CHEK1: variants seen among roughly 807,000 people sequenced by gnomAD.
The protein encoded by CHEK1 is checkpoint kinase 1, also known as serine/threonine-protein kinase Chk1.
A neutral mutation model predicts 60.2 loss-of-function variants in CHEK1; 32 were observed. The observed-to-expected ratio is 0.53, with a 90% CI of 0.40 to 0.71. The LOEUF is 0.71. CHEK1 is among the 30% of genes least tolerant of loss of function. The pLI is 0.00. For missense variants in CHEK1, 399 were observed against 564.6 expected (o/e 0.71, Z 2.97); for synonymous variants, 179 against 187.2 (o/e 0.96, Z 0.36).
chr11:125,671,100 TC>T (rs1262035879), intron 13 of CHEK1, among the ~76,000 whole-genome samples: 3 of 152,052 alleles, frequency 2.0e-5, no homozygotes, highest in African/African-American at 7.2e-5. Context: ...AGAGACGGGG[TC>T]TTGCTGTGTT....
At chr11:125,643,043 T>C (rs1270866770) in intron 8 of CHEK1, 1 of 152,192 alleles carries the variant, frequency 6.6e-6, no homozygotes, top group African/African-American at 2.4e-5. Flanking sequence ...TTCCAAGGAA[T>C]CAAAGAATGT....
chr11:125,628,899 A>C (rs1365766871), intron 3 of CHEK1, among the ~76,000 whole-genome samples: 1 of 152,234 alleles, frequency 6.6e-6, no homozygotes, highest in Non-Finnish European at 1.5e-5. Context: ...AATAATTAGC[A>C]TAGCATTTAG....
chr11:125,649,731 C>CA (rs35885200), intron 11 of CHEK1: 4,384 of 129,352 alleles, frequency 0.034, 76 homozygotes, highest in Middle Eastern at 0.066. Flanking sequence ...AAGACTGTCT[C>CA]AAAAAAAAAA....
chr11:125,629,820 A>G (rs1233830505), intron 5 of CHEK1, among the ~76,000 whole-genome samples: 2 of 151,964 alleles, frequency 1.3e-5, no homozygotes, highest in African/African-American at 4.8e-5. Flanking sequence ...TCCTAGGCTC[A>G]AGCAATCCTA....
intron 13 of CHEK1, among the ~76,000 whole-genome samples, chr11:125,673,807 G>C (rs1466069679): frequency 6.6e-6 from 1 of 152,064 alleles, no homozygotes; most frequent in African/African-American, 2.4e-5. Flanking sequence ...CCAATTTGTT[G>C]TGAAGGTCTG....
intron 13 of CHEK1, among the ~76,000 whole-genome samples, chr11:125,674,054 G>A (rs899224268): frequency 2.6e-5 from 4 of 152,112 alleles, no homozygotes; most frequent in Non-Finnish European, 4.4e-5. Context: ...AGGAGGGTGA[G>A]GCAGGAGAAT....
At chr11:125,654,102 G>A (rs796157610) in intron 12 of CHEK1, among the ~76,000 whole-genome samples, 19 of 151,454 alleles carry the variant, frequency 1.3e-4, no homozygotes, top group African/African-American at 3.6e-4. Context: ...AGTCCGAGAC[G>A]GGTGGATCTC....
intron 11 of CHEK1, among the ~76,000 whole-genome samples, chr11:125,651,119 C>A (rs1194159544): frequency 6.6e-6 from 1 of 152,066 alleles, no homozygotes; most frequent in African/African-American, 2.4e-5. Context: ...CACTCCCTAA[C>A]CTCTTCTTCC....
Position 125,625,846 on chromosome 11 carries a change from C to T in CHEK1, c.-187C>T, listed in dbSNP as rs1310128627. 1.4e-6 allele frequency: 1 copy of T among 702,642 alleles called. No individual in the cohort carries two copies. Among genetic ancestry groups the T allele is most frequent in the Non-Finnish European group, 2.6e-6 (1 of 385,004 alleles). The allele number at this position is 702,642 out of a possible 1,614,324, so 43.5% of individuals were successfully genotyped here. On this transcript the variant is annotated 5_prime_UTR_variant, in exon 1 of 13. The change creates a new upstream start codon in the 5' untranslated region. Coordinates refer to ENST00000438015, the MANE Select transcript of CHEK1 (RefSeq NM_001114122.3). ...CTGGGCGGGAGCGGCAACATCTCCA[C>T]GTCACCCTTTTGGAGCCGCCGACAT...
At chr11:125,680,143 G>GT (rs756825278), downstream of CHEK1, among the ~76,000 whole-genome samples, 51 of 152,256 alleles carry the variant, frequency 3.3e-4, no homozygotes, top group Non-Finnish European at 5.4e-4. Context: ...AAAATACATT[G>GT]TTTTTTCACT....
rs775056015 is a variant in CHEK1, at chr11:125,653,778, T to C, written c.1266T>C (p.Asn422=). ...VTISTTDRRN[N]KLIFKVNLLE... ...TATCAACAACTGATAGGAGAAACAA[T>C]AAACTCATTTTCAAAGTGAATTTGT... is the stretch of plus-strand genomic sequence containing the variant. Residue 422 remains asparagine (N), a synonymous_variant, in exon 12 of 13, where the codon AAT becomes AAC. Transcript: ENST00000438015. The surrounding 1 kb of genome is among the most constrained non-coding windows in gnomAD (Gnocchi z 4.3). 1.3e-6 allele frequency: 2 copies of C among 1,595,698 alleles called. No homozygotes were observed. The highest frequency in any genetic ancestry group is 1.7e-6 in the Non-Finnish European group (2 of 1,168,710).
chr11:125,637,570 T>C, intron 8 of CHEK1, 26 bp downstream of exon 8: 1 of 1,535,006 alleles, frequency 6.5e-7, no homozygotes, highest in Middle Eastern at 1.8e-4. Flanking sequence ...TACAAGTTTG[T>C]TTGTTTTTCT....
rs1941814645 is a variant in CHEK1 at position 125,653,814 on chromosome 11, T to G, written c.1302T>G (p.Asp434Glu). The change falls in exon 12 of 13, where the codon GAT (aspartate) becomes GAG (glutamate). Residue 434 changes from aspartate to glutamate, a missense_variant. Transcript: ENST00000438015. The surrounding 1 kb of genome is among the most constrained non-coding windows in gnomAD (Gnocchi z 4.3). ...LIFKVNLLEMDDKILVDFRLS... is the reference protein window; with the variant it reads ...LIFKVNLLEMEDKILVDFRLS... ...TCAAAGTGAATTTGTTAGAAATGGATGATAAAATATTGGTTGACTTCCGGC... is the reference window on the plus strand; with the variant it reads ...TCAAAGTGAATTTGTTAGAAATGGAGGATAAAATATTGGTTGACTTCCGGC... 1 of 1,586,252 alleles carries G rather than the reference T, an allele frequency of 6.3e-7. No homozygotes were observed. Among genetic ancestry groups the G allele is most frequent in the Non-Finnish European group, 8.6e-7 (1 of 1,160,200 alleles).
At chr11:125,641,923 G>A (rs530285363) in intron 8 of CHEK1, among the ~76,000 whole-genome samples, 3 of 151,642 alleles carry the variant, frequency 2.0e-5, no homozygotes, top group East Asian at 1.9e-4. Context: ...TAGTTCTCAC[G>A]TGTAGTGTAA....
At chr11:125,626,579 A>G in intron 1 of CHEK1, 170 bp from the exon 2 acceptor site, 1 of 591,524 alleles carries the variant, frequency 1.7e-6, no homozygotes, top group Non-Finnish European at 3.0e-6. Flanking sequence ...CAAAATGGTC[A>G]GGTTTAGAAT....
chr11:125,627,049 A>C (rs936191466), intron 2 of CHEK1, among the ~76,000 whole-genome samples: 1 of 152,200 alleles, frequency 6.6e-6, no homozygotes, highest in Admixed American at 6.5e-5. Context: ...TATTGTTTCC[A>C]TGCCCACAAA....
intron 11 of CHEK1, among the ~76,000 whole-genome samples, chr11:125,645,696 A>G (rs1941476747): frequency 6.6e-6 from 1 of 152,228 alleles, no homozygotes; most frequent in Non-Finnish European, 1.5e-5. Flanking sequence ...TGTCAAAGCA[A>G]AGTTGAAGTG....
rs760086007 is a variant in CHEK1, at chr11:125,672,709, G to T, written c.*28-3219G>T. Reference sequence around the variant, plus strand: ...TCACACCCTTGAACCATGAATTGGAGTTTTCCACCTGAAAGGAGCAGAGAC... The same window carrying T: ...TCACACCCTTGAACCATGAATTGGATTTTTCCACCTGAAAGGAGCAGAGAC... On this transcript the variant is annotated intron_variant, in intron 13 of 13. Coordinates refer to the CHEK1 transcript ENST00000428830. The T allele has an allele frequency of 5.0e-6, 8 of 1,613,966 alleles. No homozygotes were observed. The African/African-American group carries it at 1.1e-4, about 22-fold the overall frequency.
chr11:125,644,086 C>G lies in CHEK1; in HGVS notation c.924-5C>G. ...TGTATGTTTCTTTCTGTCTTAATGC[C>G]TCAGTGAAGAAAATGTGAAGTACTC... is the stretch of plus-strand genomic sequence containing the variant. On this transcript the variant is annotated splice_region_variant and splice_polypyrimidine_tract_variant and intron_variant, in intron 9 of 12. Transcript: ENST00000438015. The G allele has an allele frequency of 6.2e-7, 1 of 1,607,624 alleles. No individual in the cohort carries two copies. The highest frequency in any genetic ancestry group is 8.5e-7 in the Non-Finnish European group (1 of 1,178,284).
Sources: allele counts gnomAD v4.1 joint callset (sites outside exome capture counted in the v4.1 genomes callset), GRCh38; gene constraint gnomAD v4.1.1; non-coding constraint Gnocchi (gnomAD v3.1); transcripts MANE v1.5; gene names NCBI Gene and HGNC (gene_info 2026-07-23, HGNC 2026-07-21).